Variants in LSAMP observed in about 807,000 individuals in gnomAD.
LSAMP encodes the protein limbic system-associated membrane protein.
A neutral mutation model predicts 38.6 loss-of-function variants in LSAMP; 7 were observed. The observed-to-expected ratio is 0.18, with a 90% confidence interval of 0.10 to 0.34. The LOEUF (loss-of-function observed/expected upper bound fraction) is 0.34. Ranked by LOEUF, LSAMP falls within the 10% of genes least tolerant of loss-of-function variation. The pLI, the probability that LSAMP is intolerant of heterozygous loss-of-function variation, is 1.00. For synonymous variants in LSAMP, 154 were observed against 166.8 expected (o/e 0.92, Z 0.59); for missense variants, 313 against 420.0 (o/e 0.75, Z 2.23).
chr3:116,246,469 G>A (rs1467174417), intron 1 of LSAMP, among the ~76,000 whole-genome samples: 1 of 151,840 alleles, frequency 6.6e-6, no homozygotes, highest in African/African-American at 2.4e-5. Flanking sequence ...ACCTTTTTTT[G>A]CAGTACTACC....
At chr3:115,859,777 A>G (rs985593570) in intron 3 of LSAMP, among the ~76,000 whole-genome samples, 1 of 152,182 alleles carries the variant, frequency 6.6e-6, no homozygotes, top group African/African-American at 2.4e-5. Context: ...TTTCACATAT[A>G]AAAAATAAGC....
chr3:116,243,277 C>T (rs2046563276), intron 1 of LSAMP, among the ~76,000 whole-genome samples: 1 of 152,132 alleles, frequency 6.6e-6, no homozygotes, highest in African/African-American at 2.4e-5. Flanking sequence ...TAATTTCCCA[C>T]CATGACTTCC....
chr3:115,869,799 A>G (rs542159584), intron 3 of LSAMP, among the ~76,000 whole-genome samples: 1 of 152,178 alleles, frequency 6.6e-6, no homozygotes, highest in South Asian at 2.1e-4. Flanking sequence ...GTCTTTTCCG[A>G]ACAAAAATCC....
At chr3:116,079,081 G>A (rs1384684541) in intron 2 of LSAMP, among the ~76,000 whole-genome samples, 4 of 151,978 alleles carry the variant, frequency 2.6e-5, no homozygotes, top group Non-Finnish European at 4.4e-5. Flanking sequence ...ACATCACAAG[G>A]TTCATTTTAG....
chr3:116,107,087 A>G (rs947135534), intron 1 of LSAMP, among the ~76,000 whole-genome samples: 1 of 152,154 alleles, frequency 6.6e-6, no homozygotes, highest in Non-Finnish European at 1.5e-5. Context: ...AAGTGTGATC[A>G]GGGTGAGGAA....
intron 3 of LSAMP, among the ~76,000 whole-genome samples, chr3:115,908,526 TC>T (rs1937064788): frequency 6.6e-6 from 1 of 152,130 alleles, no homozygotes; most frequent in African/African-American, 2.4e-5. Flanking sequence ...CCTGTTCTGA[TC>T]CTCCAAAAGC....
At chr3:116,154,536 CTT>C (rs973540160) in intron 1 of LSAMP, among the ~76,000 whole-genome samples, 8 of 152,136 alleles carry the variant, frequency 5.3e-5, no homozygotes, top group African/African-American at 1.9e-4. Flanking sequence ...TGCTCTAAGA[CTT>C]TACTGGGTTC....
rs980921934 is a variant in LSAMP, at chr3:116,078,799, C to T, written c.388+7525G>A. ...ATTTTTTTGAGTACATTCTTACTTCCTGGCCCAAGAGATGCTCCAAGTTAT... is the reference window on the plus strand; with the variant it reads ...ATTTTTTTGAGTACATTCTTACTTCTTGGCCCAAGAGATGCTCCAAGTTAT... On this transcript the variant is annotated intron_variant, in intron 2 of 6. Coordinates refer to ENST00000490035, the MANE Select transcript of LSAMP (RefSeq NM_002338.5). 3.3e-5 allele frequency among the ~76,000 whole-genome samples: 5 copies of T among 152,134 alleles called. 1 individual carries two copies. The East Asian group carries it at 5.8e-4, about 18-fold the overall frequency.
chr3:116,189,670 T>A (rs1186644198), intron 1 of LSAMP, among the ~76,000 whole-genome samples: 3 of 152,108 alleles, frequency 2.0e-5, no homozygotes, highest in Non-Finnish European at 2.9e-5. Context: ...TTGGTGTAAG[T>A]TTTTAAGTGG....
At chr3:116,039,426 A>G (rs1357710444) in intron 2 of LSAMP, among the ~76,000 whole-genome samples, 2 of 152,214 alleles carry the variant, frequency 1.3e-5, no homozygotes, top group African/African-American at 4.8e-5. Context: ...CTGTGAGAGT[A>G]CATTTAAAAG....
intron 6 of LSAMP, among the ~76,000 whole-genome samples, chr3:115,824,710 A>T (rs1406391713): frequency 2.3e-5 from 3 of 132,416 alleles, no homozygotes; most frequent in Admixed American, 7.6e-5. Flanking sequence ...ACTCCGTCTT[A>T]AAAAAAAAAA....
intron 1 of LSAMP, among the ~76,000 whole-genome samples, chr3:116,376,470 G>A (rs1359517465): frequency 6.6e-6 from 1 of 151,928 alleles, no homozygotes; most frequent in South Asian, 2.1e-4. Context: ...GTGGGATTCA[G>A]GTTTATCCTT....
At position 115,809,079 on chromosome 3, in the gene LSAMP, T is replaced by C. The variant is rs1167394741; in HGVS notation, c.*1238A>G. 6.6e-6 allele frequency: 1 copy of C among 152,216 alleles called. No homozygotes were observed. The highest frequency in any genetic ancestry group is 2.4e-5 in the African/African-American group (1 of 41,450). 9.4% of individuals were successfully genotyped at this position (152,216 alleles called of 1,614,324 possible). On this transcript the variant is annotated 3_prime_UTR_variant, in exon 7 of 7. Coordinates refer to ENST00000490035, the MANE Select transcript of LSAMP (RefSeq NM_002338.5). ...TGTTTCTGGGGATTTACTCAACACA[T>C]GCTGCTCATTTTCACAGTGGAGCAG...
At chr3:116,328,747 C>T (rs900501984) in intron 1 of LSAMP, among the ~76,000 whole-genome samples, 4 of 152,098 alleles carry the variant, frequency 2.6e-5, no homozygotes, top group Admixed American at 2.6e-4. Flanking sequence ...TGCTGTTATA[C>T]ATTACCAATG....
At chr3:115,829,637 G>A (rs963218632) in intron 6 of LSAMP, among the ~76,000 whole-genome samples, 4 of 152,220 alleles carry the variant, frequency 2.6e-5, no homozygotes, top group Non-Finnish European at 4.4e-5. Flanking sequence ...TACTGTGTAT[G>A]AAGGGCATCC....
rs111934772 is a variant in LSAMP, at chr3:116,209,596, T to G, written c.156-123040A>C. Among the ~76,000 whole-genome samples, 661 of 152,202 alleles carry G rather than the reference T, an allele frequency of 4.3e-3. 7 individuals are homozygous for G. Among genetic ancestry groups the G allele is most frequent in the African/African-American group, 0.015 (623 of 41,518 alleles). On this transcript the variant is annotated intron_variant, in intron 1 of 6. Transcript: ENST00000490035. ...CAGTATGTGTGTATGTTTGTATGTGTGAAGAGTAAGAGGGGGGCTTTGATG... is the reference window on the plus strand; with the variant it reads ...CAGTATGTGTGTATGTTTGTATGTGGGAAGAGTAAGAGGGGGGCTTTGATG...
At chr3:116,208,736 C>G (rs560785459) in intron 1 of LSAMP, among the ~76,000 whole-genome samples, 74 of 94,072 alleles carry the variant, frequency 7.9e-4, no homozygotes, top group African/African-American at 2.1e-3. Flanking sequence ...CAGGGACCCA[C>G]TTGAGGAGGC....
intron 1 of LSAMP, among the ~76,000 whole-genome samples, chr3:116,393,388 C>T (rs1334053623): frequency 1.3e-5 from 2 of 152,210 alleles, no homozygotes; most frequent in Non-Finnish European, 2.9e-5. Flanking sequence ...CACAGAGAAC[C>T]AGTGCCCGTT....
At chr3:116,159,536 TA>T (rs1709832894) in intron 1 of LSAMP, among the ~76,000 whole-genome samples, 1 of 151,940 alleles carries the variant, frequency 6.6e-6, no homozygotes, top group Non-Finnish European at 1.5e-5. Flanking sequence ...GAAATGTAAA[TA>T]AAAACCACGA....
Sources: gnomAD v4.1 joint callset for allele counts (sites outside exome capture counted in the v4.1 genomes callset) on GRCh38, gnomAD v4.1.1 for gene constraint, MANE v1.5 for transcripts, NCBI Gene and HGNC (gene_info 2026-07-23, HGNC 2026-07-21) for gene names.